The following LARGE1 variants were observed in gnomAD, a reference collection of about 807,000 sequenced individuals.
LARGE1 encodes LARGE xylosyl- and glucuronyltransferase 1.
A neutral mutation model predicts 87.6 loss-of-function variants in LARGE1; 43 were observed. That is an observed-to-expected ratio of 0.49 (90% confidence interval 0.38 to 0.63). The LOEUF (loss-of-function observed/expected upper bound fraction) is 0.63. LARGE1 is among the 30% of genes least tolerant of loss of function. The probability of loss-of-function intolerance (pLI) is 0.00; values close to 1 mark genes in which losing one functional copy is unlikely to be tolerated. For missense variants in LARGE1, 802 were observed against 1,000.2 expected (o/e 0.80, Z 2.67); for synonymous variants, 434 against 394.6 (o/e 1.10, Z -1.18).
intron 6 of LARGE1, among the ~76,000 whole-genome samples, chr22:33,442,790 A>G (rs1252078039): frequency 1.4e-5 from 2 of 148,066 alleles, no homozygotes; most frequent in South Asian, 4.3e-4. Context: ...TGGGATACTG[A>G]TAGCTTTTTT....
At chr22:33,088,157 C>T in the LARGE1 span, among the ~76,000 whole-genome samples, 3 of 152,048 alleles carry the variant, frequency 2.0e-5, no homozygotes, top group African/African-American at 4.8e-5. Flanking sequence ...GCATCGTACT[C>T]AACCATTCTG....
At chr22:33,798,193 G>A (rs999895330) in intron 1 of LARGE1, among the ~76,000 whole-genome samples, 1 of 152,154 alleles carries the variant, frequency 6.6e-6, no homozygotes, top group African/African-American at 2.4e-5. Flanking sequence ...CAGAGGCTGA[G>A]GCAGGAGAAT....
intron 6 of LARGE1, among the ~76,000 whole-genome samples, chr22:33,433,104 C>A (rs1030977195): frequency 4.6e-5 from 7 of 152,132 alleles, no homozygotes; most frequent in Non-Finnish European, 8.8e-5. Flanking sequence ...CCTTCTCTTG[C>A]AATTATTACC....
chr22:33,153,419 G>A, the LARGE1 span, among the ~76,000 whole-genome samples: 587 of 152,240 alleles, frequency 3.9e-3, no homozygotes, highest in Non-Finnish European at 5.3e-3. Flanking sequence ...AATATTGTAG[G>A]TGACAGGCTG....
chr22:33,115,360 C>A, the LARGE1 span, among the ~76,000 whole-genome samples: 1 of 151,710 alleles, frequency 6.6e-6, no homozygotes, highest in East Asian at 1.9e-4. Flanking sequence ...GGATGGATCA[C>A]GAGGTCAGGA....
chr22:33,471,562 T>C (rs1446653728), intron 6 of LARGE1, among the ~76,000 whole-genome samples: 1 of 152,134 alleles, frequency 6.6e-6, no homozygotes, highest in Non-Finnish European at 1.5e-5. Flanking sequence ...TATTTCCAAC[T>C]CTTGTGCCCC....
At chr22:33,180,071 A>G (rs941620861) in intron 11 of LARGE1, among the ~76,000 whole-genome samples, 4 of 152,176 alleles carry the variant, frequency 2.6e-5, no homozygotes, top group African/African-American at 9.7e-5. Context: ...GCAACAAGGT[A>G]CCATCTTGGT....
intron 3 of LARGE1, among the ~76,000 whole-genome samples, chr22:33,648,288 G>C (rs1387476538): frequency 6.6e-6 from 1 of 152,236 alleles, no homozygotes; most frequent in African/African-American, 2.4e-5. Flanking sequence ...CTCTTGGCTA[G>C]AGAGATTACA....
chr22:33,335,979 C>T (rs113550756), intron 10 of LARGE1, among the ~76,000 whole-genome samples: 3 of 152,304 alleles, frequency 2.0e-5, no homozygotes, highest in African/African-American at 7.2e-5. Context: ...GAACCAAAGT[C>T]CTTTTTCATC....
intron 6 of LARGE1, among the ~76,000 whole-genome samples, chr22:33,463,569 C>G (rs1399872529): frequency 6.6e-6 from 1 of 152,020 alleles, no homozygotes; most frequent in Non-Finnish European, 1.5e-5. Context: ...CAATCAAAAT[C>G]CCAATGTGTG....
intron 6 of LARGE1, among the ~76,000 whole-genome samples, chr22:33,496,641 G>T (rs567892780): frequency 5.3e-5 from 8 of 152,210 alleles, no homozygotes; most frequent in African/African-American, 1.9e-4. Flanking sequence ...AATGGACCAC[G>T]ACAGGACTAA....
At chr22:33,843,649 G>C (rs1008963147) in intron 1 of LARGE1, among the ~76,000 whole-genome samples, 1 of 151,646 alleles carries the variant, frequency 6.6e-6, no homozygotes, top group South Asian at 2.1e-4. Context: ...CCACAACCTG[G>C]CCAAACCTCT....
chr22:33,699,676 G>A (rs1363059800), intron 2 of LARGE1, among the ~76,000 whole-genome samples: 1 of 152,092 alleles, frequency 6.6e-6, no homozygotes, highest in African/African-American at 2.4e-5. Context: ...TGTAGGCATA[G>A]CAATAAAATA....
intron 6 of LARGE1, among the ~76,000 whole-genome samples, chr22:33,518,282 T>C (rs1173971985): frequency 6.6e-6 from 1 of 152,220 alleles, no homozygotes; most frequent in Non-Finnish European, 1.5e-5. Flanking sequence ...ACAGGTTAAA[T>C]CAACAGCCCA....
At chr22:33,875,894 G>A (rs889852525) in intron 1 of LARGE1, among the ~76,000 whole-genome samples, 1 of 152,162 alleles carries the variant, frequency 6.6e-6, no homozygotes, top group African/African-American at 2.4e-5. Context: ...TCAGTGCCCG[G>A]GGGCCAGGAG....
the LARGE1 span, among the ~76,000 whole-genome samples, chr22:33,129,539 A>AT: frequency 1.3e-5 from 2 of 152,168 alleles, no homozygotes; most frequent in Non-Finnish European, 2.9e-5. Context: ...TATAATAAAA[A>AT]ATATATATAT....
chr22:33,378,440 T>C (rs1601633757), intron 9 of LARGE1, among the ~76,000 whole-genome samples: 1 of 152,340 alleles, frequency 6.6e-6, no homozygotes, highest in East Asian at 1.9e-4. Context: ...TGACTTTATG[T>C]GAGGCCTTTA....
intron 6 of LARGE1, among the ~76,000 whole-genome samples, chr22:33,446,638 G>A (rs968400046): frequency 3.9e-5 from 6 of 152,182 alleles, no homozygotes; most frequent in African/African-American, 1.4e-4. Flanking sequence ...CAAATAGATG[G>A]AGGAGCAGAT....
intron 1 of LARGE1, among the ~76,000 whole-genome samples, chr22:33,910,726 C>T (rs556090488): frequency 6.2e-4 from 95 of 152,260 alleles, no homozygotes; most frequent in African/African-American, 2.2e-3. Flanking sequence ...CAGTCAGGAA[C>T]GATTTCAGCC....
Sources: gnomAD v4.1 joint callset for allele counts (sites outside exome capture counted in the v4.1 genomes callset) on GRCh38, gnomAD v4.1.1 for gene constraint, MANE v1.5 for transcripts, NCBI Gene and HGNC (gene_info 2026-07-23, HGNC 2026-07-21) for gene names.